The following PEAK1 variants were observed in gnomAD, a reference collection of about 807,000 sequenced individuals.
PEAK1 encodes inactive tyrosine-protein kinase PEAK1.
A neutral mutation model predicts 124.7 loss-of-function variants in PEAK1; 54 were observed. That is an observed-to-expected ratio of 0.43 (90% CI 0.35 to 0.54). The LOEUF (loss-of-function observed/expected upper bound fraction) is 0.54, where lower values mean the gene tolerates loss of function less well. Among genes scored for constraint, PEAK1 ranks in the 20% least tolerant of loss-of-function variants. The probability of loss-of-function intolerance (pLI) is 0.01; values close to 1 mark genes in which losing one functional copy is unlikely to be tolerated. For synonymous variants in PEAK1, 719 were observed against 760.0 expected (o/e 0.95, Z 0.89); for missense variants, 2,046 against 2,134.5 (o/e 0.96, Z 0.82).
intron 6 of PEAK1, among the ~76,000 whole-genome samples, chr15:77,250,239 GTA>G (rs201948706): frequency 8.3e-5 from 8 of 95,854 alleles, no homozygotes; most frequent in African/African-American, 1.4e-4. Flanking sequence ...ATATGTATAT[GTA>G]TATATATATA....
At position 77,170,362 on chromosome 15, in the gene PEAK1, T is replaced by C. The variant is rs185577707; in HGVS notation, c.3137+8428A>G. On this transcript the variant is annotated intron_variant, in intron 7 of 9. Transcript: ENST00000682557. Reference sequence around the variant, plus strand: ...TTAAAAGGTAATCCAGTAGAACTGATTGCAAAGTCAATATTATAAACAAGG... The same window carrying C: ...TTAAAAGGTAATCCAGTAGAACTGACTGCAAAGTCAATATTATAAACAAGG... Among the ~76,000 whole-genome samples the C allele has an allele frequency of 1.8e-4, 28 of 152,228 alleles. 1 individual carries two copies. In the East Asian group the frequency reaches 3.7e-3, roughly 20 times the overall value.
chr15:77,403,938 A>C (rs1215208589), intron 1 of PEAK1: 1 of 973,786 alleles, frequency 1.0e-6, no homozygotes, highest in African/African-American at 1.8e-5. Context: ...GGATACATTT[A>C]CAAGTTTGTT....
chr15:77,250,411 T>TACACAAA (rs2060825116), intron 6 of PEAK1, among the ~76,000 whole-genome samples: 1 of 150,196 alleles, frequency 6.7e-6, no homozygotes, highest in Non-Finnish European at 1.5e-5. Flanking sequence ...CACACCCGGC[T>TACACAAA]AATTTTTGTG....
At chr15:77,207,065 T>C (rs1384272469) in intron 6 of PEAK1, among the ~76,000 whole-genome samples, 2 of 152,070 alleles carry the variant, frequency 1.3e-5, no homozygotes, top group Admixed American at 6.6e-5. Context: ...TAGCCATAGG[T>C]AGAAAGCTGA....
chr15:77,134,745 A>G (rs2053170891), intron 8 of PEAK1, among the ~76,000 whole-genome samples: 1 of 152,200 alleles, frequency 6.6e-6, no homozygotes, highest in African/African-American at 2.4e-5. Context: ...TCTACTCAAG[A>G]TCTCAGAGTT....
intron 6 of PEAK1, among the ~76,000 whole-genome samples, chr15:77,223,691 A>C (rs2059495397): frequency 6.6e-6 from 1 of 152,014 alleles, no homozygotes; most frequent in African/African-American, 2.4e-5. Flanking sequence ...CCATAGAGAG[A>C]ATACTTAATT....
intron 6 of PEAK1, among the ~76,000 whole-genome samples, chr15:77,182,746 TC>T: frequency 5.5e-5 from 1 of 18,082 alleles, no homozygotes; most frequent in Non-Finnish European, 2.4e-4. Context: ...TGAGACCTTG[TC>T]TCAAAAAAAA....
intron 5 of PEAK1, chr15:77,278,583 A>C (rs2062465367): frequency 2.0e-6 from 1 of 503,294 alleles, no homozygotes; most frequent in Non-Finnish European, 4.0e-6. Flanking sequence ...CCAGAGACCA[A>C]GCCTAAAAAG....
At chr15:77,247,202 AT>A (rs1252956006) in intron 6 of PEAK1, among the ~76,000 whole-genome samples, 2 of 152,092 alleles carry the variant, frequency 1.3e-5, no homozygotes, top group Non-Finnish European at 2.9e-5. Context: ...TTCAATCTGC[AT>A]TCCTTTGATT....
intron 1 of PEAK1, among the ~76,000 whole-genome samples, chr15:77,369,618 C>T (rs1313536156): frequency 2.0e-5 from 3 of 152,068 alleles, no homozygotes; most frequent in Admixed American, 6.5e-5. Flanking sequence ...TAGTATATTG[C>T]CACAAAGTTT....
chr15:77,368,168 A>T (rs2068384048), intron 1 of PEAK1, among the ~76,000 whole-genome samples: 1 of 152,216 alleles, frequency 6.6e-6, no homozygotes, highest in Non-Finnish European at 1.5e-5. Context: ...ATATGTATTG[A>T]TAACTAATCA....
chr15:77,123,050 T>C lies in PEAK1; in HGVS notation c.4078-7731A>G, dbSNP rs576154604. Among the ~76,000 whole-genome samples, 10 of 152,312 alleles carry C rather than the reference T, an allele frequency of 6.6e-5. No homozygotes were observed. The South Asian group carries it at 2.1e-3, about 32-fold the overall frequency. On this transcript the variant is annotated intron_variant, in intron 9 of 9. Coordinates refer to ENST00000682557, the MANE Select transcript of PEAK1 (RefSeq NM_001385026.1). ...ACATTATTACAAGCTTTTAACAAGA[T>C]TCTGGCATAGCCGGAAGAAAGGAAG...
chr15:77,286,572 G>T (rs1283520428), intron 2 of PEAK1, 68 bp from the exon 3 acceptor site: 2 of 729,516 alleles, frequency 2.7e-6, no homozygotes, highest in Non-Finnish European at 3.8e-6. Context: ...TTAAAACTGA[G>T]CATTCTTTAA....
At chr15:77,245,726 A>G (rs539860356) in intron 6 of PEAK1, among the ~76,000 whole-genome samples, 2 of 152,142 alleles carry the variant, frequency 1.3e-5, no homozygotes, top group South Asian at 4.2e-4. Context: ...AAAAAGAAAA[A>G]ACTCATCTTT....
chr15:77,205,137 T>C, intron 6 of PEAK1: 1 of 277,078 alleles, frequency 3.6e-6, no homozygotes, highest in Non-Finnish European at 6.8e-6. Flanking sequence ...TCACTATTTC[T>C]CTTCTTGTAC....
chr15:77,419,829 C>G (rs973415125), intron 1 of PEAK1, among the ~76,000 whole-genome samples, 177 bp downstream of exon 1: 1 of 148,510 alleles, frequency 6.7e-6, no homozygotes, highest in African/African-American at 2.4e-5. Context: ...CGGGACGCAC[C>G]GGCCGCCAGA....
intron 6 of PEAK1, among the ~76,000 whole-genome samples, chr15:77,189,542 T>C (rs554344574): frequency 3.9e-4 from 59 of 152,348 alleles, no homozygotes; most frequent in African/African-American, 1.3e-3. Context: ...TCCTCAGCTC[T>C]AAGATGATCA....
chr15:77,199,462 T>G (rs192362442), intron 6 of PEAK1, among the ~76,000 whole-genome samples: 1 of 152,126 alleles, frequency 6.6e-6, no homozygotes, highest in African/African-American at 2.4e-5. Flanking sequence ...AGAGCTCTGA[T>G]AGAGAGAACA....
chr15:77,166,857 AGGTCT>A (rs1231806187), intron 7 of PEAK1, among the ~76,000 whole-genome samples: 1 of 152,100 alleles, frequency 6.6e-6, no homozygotes, highest in Non-Finnish European at 1.5e-5. Flanking sequence ...ATTCAAACCC[AGGTCT>A]CGGTGACTTC....
Sources: allele counts gnomAD v4.1 joint callset (sites outside exome capture counted in the v4.1 genomes callset), GRCh38; gene constraint gnomAD v4.1.1; transcripts MANE v1.5; gene names NCBI Gene and HGNC (gene_info 2026-07-23, HGNC 2026-07-21).